The following CMTM4 variants were observed in gnomAD, a reference collection of about 807,000 sequenced individuals.
CMTM4 encodes the protein CKLF like MARVEL transmembrane domain containing 4.
Under a neutral mutation model 19.0 loss-of-function variants are expected in CMTM4, and 8 were observed. That is an observed-to-expected ratio of 0.42 (90% CI 0.25 to 0.76). CMTM4 has a LOEUF of 0.76. Among genes scored for constraint, CMTM4 ranks in the 30% least tolerant of loss-of-function variants. CMTM4 has a pLI of 0.27. For synonymous variants in CMTM4, 106 were observed against 121.1 expected, an observed-to-expected ratio of 0.88 and a Z score of 0.82; for missense variants, 228 against 290.2, an observed-to-expected ratio of 0.79 and a Z score of 1.56.
At chr16:66,679,178 T>C (rs1718858977) in intron 1 of CMTM4, among the ~76,000 whole-genome samples, 1 of 152,104 alleles carries the variant, frequency 6.6e-6, no homozygotes, top group Non-Finnish European at 1.5e-5. Context: ...GTATTCGCTG[T>C]TCTAAGAAGT....
intron 1 of CMTM4, among the ~76,000 whole-genome samples, chr16:66,653,921 A>G (rs1486676212): frequency 6.6e-6 from 1 of 151,696 alleles, no homozygotes; most frequent in Admixed American, 6.6e-5. Context: ...GTTTTTTTTT[A>G]GTAGAGACAG....
At chr16:66,633,843 T>TCC (rs2015932348) in intron 2 of CMTM4, among the ~76,000 whole-genome samples, 1 of 148,454 alleles carries the variant, frequency 6.7e-6, no homozygotes, top group South Asian at 2.1e-4. Flanking sequence ...AGGTACCATC[T>TCC]CCTCAAGTTC....
rs146705212 is a variant in CMTM4, at chr16:66,633,529, C to T, written c.363+2876G>A. Among the ~76,000 whole-genome samples, 413 of 152,176 alleles carry T rather than the reference C, an allele frequency of 2.7e-3. 2 individuals are homozygous for T. The highest frequency in any genetic ancestry group is 4.3e-3 in the Non-Finnish European group (295 of 68,006). On this transcript the variant is annotated intron_variant, in intron 2 of 3. Coordinates refer to ENST00000394106, the MANE Select transcript of CMTM4 (RefSeq NM_181521.3). ...GGACATGAGCTGCCTTTAATAGATA[C>T]CATCTTGGCAGGGTGCAGTGGCTCA...
chr16:66,655,367 T>A (rs987703447), intron 1 of CMTM4, among the ~76,000 whole-genome samples: 4 of 151,982 alleles, frequency 2.6e-5, no homozygotes, highest in African/African-American at 9.7e-5. Flanking sequence ...CAGATTGAGG[T>A]CTCTAAATAA....
At chr16:66,609,022 C>T in the CMTM4 span, among the ~76,000 whole-genome samples, 5 of 152,320 alleles carry the variant, frequency 3.3e-5, no homozygotes, top group African/African-American at 9.6e-5. This position sits in a 1 kb window ranked among gnomAD's most constrained non-coding sequence, Gnocchi z 4.4. Context: ...ATCTTAGGGA[C>T]GGATAAGCAG....
At position 66,621,556 on chromosome 16, in the gene CMTM4, G is replaced by C; in HGVS notation, c.*502C>G. ...CCCCAGCCCTGTGGCCTTTGGGCTG[G>C]TGCTGGCTGCCTGGGGGCCCTGGCA... On this transcript the variant is annotated 3_prime_UTR_variant, in exon 4 of 4. Transcript: ENST00000394106. The C allele has an allele frequency of 1.0e-6, 1 of 989,090 alleles. No homozygotes were observed. The highest frequency in any genetic ancestry group is 1.2e-6 in the Non-Finnish European group (1 of 831,830). The allele number at this position is 989,090 out of a possible 1,614,324, so 61.3% of individuals were successfully genotyped here.
At chr16:66,604,884 C>A in the CMTM4 span, 6 of 1,431,812 alleles carry the variant, frequency 4.2e-6, no homozygotes, top group Non-Finnish European at 1.8e-6. Flanking sequence ...GGTCCCCGGG[C>A]TCCGCGCCCT....
At chr16:66,661,634 A>G (rs1462014655) in intron 1 of CMTM4, among the ~76,000 whole-genome samples, 1 of 152,122 alleles carries the variant, frequency 6.6e-6, no homozygotes, top group Non-Finnish European at 1.5e-5. Flanking sequence ...TACTTAAAAC[A>G]TTTCCTTACT....
At position 66,617,882 on chromosome 16, in the gene CMTM4, C is replaced by G. The variant is rs1391455077; in HGVS notation, c.*4176G>C. 1.0e-6 allele frequency: 1 copy of G among 988,420 alleles called. No homozygotes were observed. Among genetic ancestry groups the G allele is most frequent in the Non-Finnish European group, 1.2e-6 (1 of 832,096 alleles). 61.2% of individuals were successfully genotyped at this position (988,420 alleles called of 1,614,324 possible). A position where few individuals can be genotyped will look rare whatever the true frequency, so the allele number is the denominator to read the frequency against. ...CATCCCACTCTTGCCCTCAAGCTGACTGTGGAACGCGAGACAGCTTTCAAA... is the reference window on the plus strand; with the variant it reads ...CATCCCACTCTTGCCCTCAAGCTGAGTGTGGAACGCGAGACAGCTTTCAAA... On this transcript the variant is annotated 3_prime_UTR_variant, in exon 4 of 4. Coordinates refer to ENST00000394106, the MANE Select transcript of CMTM4 (RefSeq NM_181521.3).
Position 66,696,550 on chromosome 16 carries a change from C to G in CMTM4, c.-25G>C, listed in dbSNP as rs2017240994. ...TGCTGCCGCCCGGCCCGGGCCGCCT[C>G]GCGCGGCTGGCTCCCGGCGCCAGGA... On this transcript the variant is annotated 5_prime_UTR_variant, in exon 1 of 4. Transcript: ENST00000394106. This position sits in a 1 kb window ranked among gnomAD's most constrained non-coding sequence, Gnocchi z 4.3. 2 of 1,169,518 alleles carry G rather than the reference C, an allele frequency of 1.7e-6. No homozygotes were observed. The highest frequency in any genetic ancestry group is 4.2e-5 in the South Asian group (1 of 23,900). 72.4% of individuals were successfully genotyped at this position (1,169,518 alleles called of 1,614,324 possible).
chr16:66,618,960 G>A lies in CMTM4; in HGVS notation c.*3098C>T, dbSNP rs533613729. ...GCTGGCTTCAGCTCACATTGCCAAGGAAGATGTGTATTGGGGCTGTGCAGG... is the reference window on the plus strand; with the variant it reads ...GCTGGCTTCAGCTCACATTGCCAAGAAAGATGTGTATTGGGGCTGTGCAGG... On this transcript the variant is annotated 3_prime_UTR_variant, in exon 4 of 4. Coordinates refer to ENST00000394106, the MANE Select transcript of CMTM4 (RefSeq NM_181521.3). 3.0e-6 allele frequency: 3 copies of A among 985,518 alleles called. No individual in the cohort carries two copies. In the African/African-American group the frequency reaches 5.2e-5, roughly 17 times the overall value. The allele number at this position is 985,518 out of a possible 1,614,324, so 61.0% of individuals were successfully genotyped here.
At chr16:66,613,472 C>T (rs556936770), downstream of CMTM4, 1 of 278,414 alleles carries the variant, frequency 3.6e-6, no homozygotes, top group South Asian at 7.9e-5. Flanking sequence ...ACTTCCAGAC[C>T]TCAGGGCAGG....
intron 2 of CMTM4, among the ~76,000 whole-genome samples, chr16:66,633,578 G>A (rs1382345593): frequency 1.3e-5 from 2 of 152,156 alleles, no homozygotes; most frequent in East Asian, 1.9e-4. Context: ...AGCACTTTGG[G>A]AGGCTGAGGT....
chr16:66,672,337 G>A (rs1253294637), intron 1 of CMTM4, among the ~76,000 whole-genome samples: 3 of 150,504 alleles, frequency 2.0e-5, no homozygotes, highest in Non-Finnish European at 3.0e-5. Context: ...CCCAGGAGAC[G>A]GAGGTTGCAA....
intron 1 of CMTM4, among the ~76,000 whole-genome samples, chr16:66,669,273 A>C (rs1239283614): frequency 1.3e-5 from 2 of 152,182 alleles, no homozygotes; most frequent in African/African-American, 4.8e-5. Flanking sequence ...GGAAATGACA[A>C]AACTATACTG....
In CMTM4 at chr16:66,621,261, G is replaced by A; in HGVS notation, c.*797C>T. On this transcript the variant is annotated 3_prime_UTR_variant, in exon 4 of 4. Transcript: ENST00000394106. ...GCAAGTGCTTTGGCTGGTGGAGTAG[G>A]CTTGTTTCTTTCATGGCTTTTACCT... 1.0e-6 allele frequency: 1 copy of A among 985,488 alleles called. No individual in the cohort carries two copies. The highest frequency in any genetic ancestry group is 1.7e-5 in the African/African-American group (1 of 57,354). 61.0% of individuals were successfully genotyped at this position (985,488 alleles called of 1,614,324 possible).
chr16:66,608,200 C>T, the CMTM4 span: 56 of 1,239,680 alleles, frequency 4.5e-5, no homozygotes, highest in African/African-American at 7.6e-4. The surrounding 1 kb of genome is among the most constrained non-coding windows in gnomAD (Gnocchi z 5.1). Flanking sequence ...GAGCAGTTGG[C>T]TTCCCCTGCT....
At position 66,696,328 on chromosome 16, in the gene CMTM4, C is replaced by A; in HGVS notation, c.186+12G>T. On this transcript the variant is annotated intron_variant, in intron 1 of 3. Transcript: ENST00000394106. The surrounding 1 kb of genome is among the most constrained non-coding windows in gnomAD (Gnocchi z 4.3). ...CCGCCCTCGGGCACCTGGGGCCCCGCCCGGCACCTACCACTTGGGCGACCT... is the reference window on the plus strand; with the variant it reads ...CCGCCCTCGGGCACCTGGGGCCCCGACCGGCACCTACCACTTGGGCGACCT... 7.3e-7 allele frequency: 1 copy of A among 1,378,614 alleles called. No individual in the cohort carries two copies. 85.4% of individuals were successfully genotyped at this position (1,378,614 alleles called of 1,614,324 possible). A position where few individuals can be genotyped will look rare whatever the true frequency, so the allele number is the denominator to read the frequency against.
chr16:66,696,532 G>T lies in CMTM4; in HGVS notation c.-7C>A. 8.4e-7 allele frequency: 1 copy of T among 1,189,386 alleles called. No homozygotes were observed. Among genetic ancestry groups the T allele is most frequent in the Non-Finnish European group, 1.0e-6 (1 of 960,776 alleles). The allele number at this position is 1,189,386 out of a possible 1,614,324, so 73.7% of individuals were successfully genotyped here. A position where few individuals can be genotyped will look rare whatever the true frequency, so the allele number is the denominator to read the frequency against. The stretch of plus-strand genomic sequence containing the variant: ...GCTCCTCGCCGCTCCGCATGCTGCC[G>T]CCCGGCCCGGGCCGCCTCGCGCGGC... On this transcript the variant is annotated 5_prime_UTR_variant, in exon 1 of 4. Transcript: ENST00000394106. This position sits in a 1 kb window ranked among gnomAD's most constrained non-coding sequence, Gnocchi z 4.3.
Sources: gnomAD v4.1 joint callset for allele counts (sites outside exome capture counted in the v4.1 genomes callset) on GRCh38, gnomAD v4.1.1 for gene constraint, Gnocchi (gnomAD v3.1) non-coding constraint, MANE v1.5 for transcripts, NCBI Gene and HGNC (gene_info 2026-07-23, HGNC 2026-07-21) for gene names.